Variants in TTC6 observed in about 807,000 individuals in gnomAD.
The protein encoded by TTC6 is tetratricopeptide repeat protein 6.
In TTC6, 172 loss-of-function variants were observed where a neutral mutation model predicts 210.4. The ratio of observed to expected loss-of-function variants is 0.82; its 90% CI spans 0.72 to 0.93. TTC6 has a LOEUF of 0.93. Among genes scored for constraint, TTC6 ranks in the 40% least tolerant of loss-of-function variants. TTC6 has a pLI of 0.00. For missense variants in TTC6, 2,414 were observed against 2,318.1 expected, an observed-to-expected ratio of 1.04 and a Z score of -0.85; for synonymous variants, 804 against 819.6, an observed-to-expected ratio of 0.98 and a Z score of 0.32.
chr14:37,636,964 A>G (rs2095682036), intron 1 of TTC6, among the ~76,000 whole-genome samples: 1 of 152,160 alleles, frequency 6.6e-6, no homozygotes, highest in South Asian at 2.1e-4. Flanking sequence ...GGGGAGAGAG[A>G]GTGGAATAGA....
chr14:37,664,675 A>G (rs905351814), intron 1 of TTC6, among the ~76,000 whole-genome samples: 2 of 150,590 alleles, frequency 1.3e-5, no homozygotes, highest in Non-Finnish European at 3.0e-5. Flanking sequence ...CTAAACAGCT[A>G]TTCCACAGCA....
intron 1 of TTC6, among the ~76,000 whole-genome samples, chr14:37,601,297 T>C (rs913424727): frequency 3.3e-5 from 5 of 152,212 alleles, no homozygotes; most frequent in African/African-American, 9.6e-5. Flanking sequence ...TTTTTCATTT[T>C]TTTTCTCTCC....
chr14:37,717,794 C>A (rs2095855135), intron 6 of TTC6, among the ~76,000 whole-genome samples: 2 of 151,776 alleles, frequency 1.3e-5, no homozygotes, highest in Admixed American at 1.3e-4. Flanking sequence ...AAATGCAGAC[C>A]AGTATCCTTG....
intron 14 of TTC6, among the ~76,000 whole-genome samples, chr14:37,783,847 T>C (rs1036318408): frequency 6.6e-6 from 1 of 152,218 alleles, no homozygotes; most frequent in African/African-American, 2.4e-5. Context: ...TTCTCACTGG[T>C]TTCAAAGAAC....
intron 1 of TTC6, among the ~76,000 whole-genome samples, chr14:37,665,913 A>G (rs897242127): frequency 6.6e-6 from 1 of 150,572 alleles, no homozygotes; most frequent in African/African-American, 2.4e-5. Context: ...CCTCTCATGC[A>G]CACACCAGAG....
At chr14:37,753,362 CAGTA>C in intron 14 of TTC6, 127 bp downstream of exon 16, 3 of 789,882 alleles carry the variant, frequency 3.8e-6, no homozygotes, top group Non-Finnish European at 5.7e-6. Context: ...TCAGTGCCAC[CAGTA>C]AATGAAAAAT....
intron 30 of TTC6, 58 bp downstream of exon 32, chr14:37,841,728 G>T: frequency 7.4e-7 from 1 of 1,349,246 alleles, no homozygotes; most frequent in Admixed American, 2.5e-5. Context: ...TTATTTTTAG[G>T]CTACAAAAGA....
intron 7 of TTC6, 24 bp downstream of exon 9, chr14:37,725,026 C>G: frequency 7.1e-6 from 9 of 1,264,116 alleles, no homozygotes; most frequent in Non-Finnish European, 9.7e-6. Context: ...TGGGTTTTCT[C>G]TATTATTGTT....
At chr14:37,736,153 A>G in intron 8 of TTC6, 143 bp downstream of exon 10, 1 of 558,384 alleles carries the variant, frequency 1.8e-6, no homozygotes, top group Non-Finnish European at 3.2e-6. Context: ...TGGGAGTCTG[A>G]GGTGGGCAGA....
chr14:37,681,720 T>G (rs927328095), intron 2 of TTC6, among the ~76,000 whole-genome samples: 2 of 152,136 alleles, frequency 1.3e-5, no homozygotes, highest in Admixed American at 1.3e-4. Context: ...CTTTTGGGCC[T>G]TTGGCCACAG....
At chr14:37,758,884 G>T (rs1272517920) in intron 14 of TTC6, among the ~76,000 whole-genome samples, 1 of 152,108 alleles carries the variant, frequency 6.6e-6, no homozygotes, top group Non-Finnish European at 1.5e-5. Flanking sequence ...AGGCCTGGTG[G>T]TGACAAAATC....
At chr14:37,793,357 AAAAC>A (rs1267902496) in intron 17 of TTC6, among the ~76,000 whole-genome samples, 3 of 152,236 alleles carry the variant, frequency 2.0e-5, no homozygotes, top group Admixed American at 6.5e-5. Context: ...AAAAAACAAA[AAAAC>A]AAAAAACCCA....
At chr14:37,778,472 G>A (rs1262734669) in intron 14 of TTC6, among the ~76,000 whole-genome samples, 1 of 152,136 alleles carries the variant, frequency 6.6e-6, no homozygotes, top group Non-Finnish European at 1.5e-5. Context: ...GGCAGAGTAT[G>A]CTCATGCCAG....
At chr14:37,810,987 C>T (rs2139432013) in intron 24 of TTC6, among the ~76,000 whole-genome samples, 1 of 152,274 alleles carries the variant, frequency 6.6e-6, no homozygotes, top group South Asian at 2.1e-4. Context: ...GATGAGGAAG[C>T]TAAGGCTTAG....
intron 14 of TTC6, among the ~76,000 whole-genome samples, chr14:37,767,184 T>G (rs1407118955): frequency 3.3e-5 from 5 of 152,224 alleles, no homozygotes; most frequent in Admixed American, 3.3e-4. Context: ...CACATTTTCT[T>G]AATCCAGTCT....
intron 29 of TTC6, chr14:37,827,661 C>T (rs865807515): frequency 4.1e-6 from 1 of 243,260 alleles, no homozygotes; most frequent in Non-Finnish European, 7.9e-6. Context: ...ACAAATCGCA[C>T]ATATTTAAAA....
At chr14:37,629,768 T>A (rs2095666230) in intron 1 of TTC6, among the ~76,000 whole-genome samples, 1 of 152,192 alleles carries the variant, frequency 6.6e-6, no homozygotes, top group Non-Finnish European at 1.5e-5. Flanking sequence ...CTTATTATTT[T>A]GAGATACGTC....
chr14:37,841,525 A>G (rs761183366), exon 30 of TTC6: 5 of 1,601,528 alleles, frequency 3.1e-6, no homozygotes, highest in African/African-American at 1.4e-5. Flanking sequence ...TTACAAATAC[A>G]ATATTAAAGA....
chr14:37,622,359 C>T (rs1164137815), exon 1 of TTC6: 3 of 1,530,894 alleles, frequency 2.0e-6, no homozygotes, highest in Admixed American at 3.9e-5. Context: ...AGGCGCGCCG[C>T]GTCCCTCGGG....
Sources: gnomAD v4.1 joint callset for allele counts (sites outside exome capture counted in the v4.1 genomes callset) on GRCh38, gnomAD v4.1.1 for gene constraint, MANE v1.5 for transcripts, NCBI Gene and HGNC (gene_info 2026-07-23, HGNC 2026-07-21) for gene names.